Variants in CFAP251 observed in about 807,000 individuals in gnomAD.
CFAP251 encodes cilia and flagella associated protein 251, also known as cilia- and flagella-associated protein 251.
In CFAP251, 93 loss-of-function variants were observed where a neutral mutation model predicts 126.7. The observed-to-expected ratio is 0.73, with a 90% CI of 0.62 to 0.87. The LOEUF is 0.87. Among genes scored for constraint, CFAP251 ranks in the 40% least tolerant of loss-of-function variants. The pLI is 0.00. For synonymous variants in CFAP251, 503 were observed against 506.9 expected (o/e 0.99, Z 0.10); for missense variants, 1,287 against 1,389.2 (o/e 0.93, Z 1.17).
At chr12:121,954,361 CTA>C in intron 10 of CFAP251, 27 bp downstream of exon 10, 1 of 1,559,824 alleles carries the variant, frequency 6.4e-7, no homozygotes, top group Admixed American at 1.8e-5. Flanking sequence ...TAAAAGATAA[CTA>C]TGGATAATTA....
At chr12:121,967,338 GA>G (rs1882177317) in intron 16 of CFAP251, among the ~76,000 whole-genome samples, 1 of 152,164 alleles carries the variant, frequency 6.6e-6, no homozygotes, top group African/African-American at 2.4e-5. Flanking sequence ...TATTTACATG[GA>G]AAAACTCTTG....
In CFAP251 at chr12:121,959,046, T is replaced by C; in HGVS notation, c.2085T>C (p.Ser695=). The change falls in exon 13 of 22, where the codon AGT becomes AGC. Residue 695 remains serine, a synonymous_variant. Transcript: ENST00000288912. ...AGCCTTTCAAATATTCCAGAACCAG[T>C]GTGACTCATATAAGCTTTTCCCATG... is the stretch of plus-strand genomic sequence containing the variant. ...SPEPFKYSRT[S]VTHISFSHDS... is the part of the protein sequence containing the mutation. 1.2e-6 allele frequency: 2 copies of C among 1,612,164 alleles called. No individual in the cohort carries two copies. Among genetic ancestry groups the C allele is most frequent in the Non-Finnish European group, 1.7e-6 (2 of 1,179,506 alleles).
In CFAP251 at chr12:121,968,028, T is replaced by C. The variant is rs1407532381; in HGVS notation, c.2630T>C (p.Val877Ala). ...RDKVGLQILP[V>A]DGNPHKTSAI... ...TAGGTGGGACTTCAGATCTTACCAGTTGACGGCAATCCACATAAGACATCT... is the reference window on the plus strand; with the variant it reads ...TAGGTGGGACTTCAGATCTTACCAGCTGACGGCAATCCACATAAGACATCT... The change falls in exon 17 of 22, where the codon GTT (valine) becomes GCT (alanine). Residue 877 changes from valine to alanine, a missense_variant. Coordinates refer to ENST00000288912, the MANE Select transcript of CFAP251 (RefSeq NM_144668.6). The C allele has an allele frequency of 4.4e-6, 7 of 1,608,728 alleles. No individual in the cohort carries two copies. The highest frequency in any genetic ancestry group is 1.3e-5 in the African/African-American group (1 of 74,830).
intron 20 of CFAP251, 43 bp from the exon 21 acceptor site, chr12:122,001,454 C>G (rs761051296): frequency 1.3e-6 from 2 of 1,481,486 alleles, no homozygotes. Flanking sequence ...GTATGCTTAG[C>G]CTCAAGAGTT....
chr12:121,933,786 T>A (rs994457943), intron 4 of CFAP251: 3 of 154,412 alleles, frequency 1.9e-5, no homozygotes, highest in African/African-American at 7.2e-5. Context: ...GTTGATGCAC[T>A]CTAGTCTGGG....
intron 19 of CFAP251, among the ~76,000 whole-genome samples, chr12:121,977,842 C>A (rs1592999276): frequency 6.6e-6 from 1 of 150,782 alleles, no homozygotes; most frequent in Middle Eastern, 3.5e-3. Flanking sequence ...GCCTGTAGTC[C>A]CAGCTATTCA....
At chr12:121,968,748 C>A in intron 17 of CFAP251, 1 of 269,620 alleles carries the variant, frequency 3.7e-6, no homozygotes, top group Non-Finnish European at 5.7e-6. Flanking sequence ...AGGGTGATAG[C>A]ATGTGAAATG....
At chr12:121,930,372 A>G (rs1346919100) in intron 3 of CFAP251, among the ~76,000 whole-genome samples, 3 of 152,032 alleles carry the variant, frequency 2.0e-5, no homozygotes, top group Non-Finnish European at 4.4e-5. Flanking sequence ...CTGTACTCCA[A>G]GCTACTCGGG....
Position 121,967,002 on chromosome 12 carries a change from A to G in CFAP251, c.2540A>G (p.Gln847Arg). The G allele has an allele frequency of 1.9e-6, 3 of 1,614,224 alleles. No homozygotes were observed. The highest frequency in any genetic ancestry group is 1.6e-4 in the Middle Eastern group (1 of 6,062). The change falls in exon 16 of 22, where the codon CAA (glutamine) becomes CGA (arginine). Residue 847 changes from glutamine to arginine, a missense_variant. Physicochemically the swap from Gln to Arg is conservative, Grantham distance 43 (BLOSUM62 1). Transcript: ENST00000288912. The part of the protein sequence containing the change: ...PAYGSPIEQT[Q>R]VLPVRSMAEL... ...TATGGTTCCCCTATTGAGCAGACAC[A>G]AGTCCTCCCAGTGAGAAGCATGGCG... is the stretch of plus-strand genomic sequence containing the variant.
At chr12:122,002,057 T>TA in intron 21 of CFAP251, 1 of 181,376 alleles carries the variant, frequency 5.5e-6, no homozygotes, top group South Asian at 1.3e-4. Flanking sequence ...ATCCCATCTC[T>TA]ACAAAAAAAA....
chr12:121,955,214 A>G (rs1447819925), intron 10 of CFAP251, among the ~76,000 whole-genome samples: 2 of 152,140 alleles, frequency 1.3e-5, no homozygotes, highest in Non-Finnish European at 2.9e-5. Context: ...GAATCACTTG[A>G]ACCCAGGAGG....
At chr12:121,969,083 G>A in intron 17 of CFAP251, 1 of 985,340 alleles carries the variant, frequency 1.0e-6, no homozygotes, top group South Asian at 4.7e-5. Flanking sequence ...GTGTGACGTT[G>A]AGGAGCAAAA....
intron 14 of CFAP251, among the ~76,000 whole-genome samples, chr12:121,961,186 A>G (rs1456528614): frequency 6.6e-6 from 1 of 152,182 alleles, no homozygotes; most frequent in Admixed American, 6.5e-5. Context: ...GCAATATTAC[A>G]GAGTCAGGTG....
chr12:121,929,998 T>TC (rs1296503630), intron 3 of CFAP251, among the ~76,000 whole-genome samples: 1 of 86,888 alleles, frequency 1.2e-5, no homozygotes. Flanking sequence ...TTTTATTGTC[T>TC]CCAAGTTTCA....
intron 19 of CFAP251, chr12:121,996,760 G>A (rs1013172861): frequency 1.3e-5 from 2 of 152,104 alleles, no homozygotes; most frequent in Non-Finnish European, 2.9e-5. Context: ...ACCATCACCC[G>A]ATCATCTGCT....
rs1881524046 is a variant in CFAP251 at position 121,951,510 on chromosome 12, G to C, written c.1300G>C (p.Ala434Pro). 6.3e-7 allele frequency: 1 copy of C among 1,583,234 alleles called. No homozygotes were observed. The highest frequency in any genetic ancestry group is 8.6e-7 in the Non-Finnish European group (1 of 1,156,632). The stretch of plus-strand genomic sequence containing the variant: ...AGAGAGGGATACACTGGCTCACAGT[G>C]CCCCACTTTTAACTGAAAAAGTGAG... ...YEERDTLAHS[A>P]PLLTEKTFNK... Residue 434 changes from alanine to proline, a missense_variant, in exon 9 of 22, where the codon GCC becomes CCC. Physicochemically the swap from Ala to Pro is conservative, Grantham distance 27 (BLOSUM62 -1). Coordinates refer to ENST00000288912, the MANE Select transcript of CFAP251 (RefSeq NM_144668.6).
intron 19 of CFAP251, 69 bp downstream of exon 19, chr12:121,975,754 C>T (rs1176615590): frequency 1.3e-6 from 2 of 1,488,168 alleles, no homozygotes; most frequent in African/African-American, 1.4e-5. Flanking sequence ...TGGGAACAAT[C>T]ATTATAGGTC....
chr12:121,940,481 A>G (rs1282005673), intron 5 of CFAP251, among the ~76,000 whole-genome samples: 1 of 152,176 alleles, frequency 6.6e-6, no homozygotes, highest in Non-Finnish European at 1.5e-5. Flanking sequence ...CTAGCGTGAC[A>G]TACAGAGATG....
chr12:121,996,843 A>G (rs1883031031), intron 19 of CFAP251: 1 of 152,162 alleles, frequency 6.6e-6, no homozygotes, highest in African/African-American at 2.4e-5. Flanking sequence ...CTCTGATGGG[A>G]AGCTGTGCAC....
Sources: gnomAD v4.1 joint callset for allele counts (sites outside exome capture counted in the v4.1 genomes callset) on GRCh38, gnomAD v4.1.1 for gene constraint, MANE v1.5 for transcripts, NCBI Gene and HGNC (gene_info 2026-07-23, HGNC 2026-07-21) for gene names.